Variants in TAFA5 observed in about 807,000 individuals in gnomAD.
The protein encoded by TAFA5 is TAFA chemokine like family member 5.
A neutral mutation model predicts 15.3 loss-of-function variants in TAFA5; 6 were observed. The ratio of observed to expected loss-of-function variants is 0.39; its 90% CI spans 0.21 to 0.77. TAFA5 has a LOEUF of 0.77. Among genes scored for constraint, TAFA5 ranks in the 30% least tolerant of loss-of-function variants. The pLI is 0.41. For synonymous variants in TAFA5, 103 were observed against 80.7 expected, an observed-to-expected ratio of 1.28 and a Z score of -1.48; for missense variants, 161 against 193.1, an observed-to-expected ratio of 0.83 and a Z score of 0.98.
rs540473828 is a variant in TAFA5, at chr22:48,642,805, G to C, written c.113-3792G>C. 3.5e-4 allele frequency among the ~76,000 whole-genome samples: 53 copies of C among 152,194 alleles called. 1 individual carries two copies. In the Middle Eastern group the frequency reaches 0.01, roughly 29 times the overall value. ...CACATGTGGGGGGTGTGTTTGGTCT[G>C]TGTGTGCACGTGTGTGGTGTGTGTG... On this transcript the variant is annotated intron_variant, in intron 1 of 3. Transcript: ENST00000402357.
intron 2 of TAFA5, among the ~76,000 whole-genome samples, chr22:48,690,955 G>C (rs533816616): frequency 5.2e-4 from 79 of 152,180 alleles, no homozygotes; most frequent in Non-Finnish European, 5.0e-4. Context: ...ATGGGGTCCA[G>C]AGAGCGCCCA....
chr22:48,662,344 G>GATGGCCTTCTAC (rs1927469849), intron 2 of TAFA5, among the ~76,000 whole-genome samples: 1 of 152,144 alleles, frequency 6.6e-6, no homozygotes, highest in African/African-American at 2.4e-5. Context: ...CCAGGAAGGT[G>GATGGCCTTCTAC]ACGGATCACT....
chr22:48,662,020 G>T (rs1164587692), intron 2 of TAFA5, among the ~76,000 whole-genome samples: 5 of 151,630 alleles, frequency 3.3e-5, no homozygotes, highest in Non-Finnish European at 7.4e-5. Context: ...ACTTTGGGGA[G>T]ATGGTGACTG....
At chr22:48,591,050 C>T (rs1164913514) in intron 1 of TAFA5, among the ~76,000 whole-genome samples, 1 of 152,180 alleles carries the variant, frequency 6.6e-6, no homozygotes. Flanking sequence ...TGGGGTTTCG[C>T]CATGTTGGCC....
intron 1 of TAFA5, among the ~76,000 whole-genome samples, chr22:48,585,746 CATACGCATACCAA>C (rs970137823): frequency 5.3e-5 from 8 of 151,724 alleles, no homozygotes; most frequent in African/African-American, 1.9e-4. Flanking sequence ...ACATACACCA[CATACGCATACCAA>C]ATACGCATAC....
At chr22:48,567,249 G>A (rs558841190) in intron 1 of TAFA5, among the ~76,000 whole-genome samples, 7 of 152,334 alleles carry the variant, frequency 4.6e-5, no homozygotes, top group African/African-American at 9.6e-5. Context: ...AGAGCATCCC[G>A]CTGTGTGCTG....
intron 1 of TAFA5, among the ~76,000 whole-genome samples, chr22:48,580,052 C>T (rs1226621655): frequency 1.3e-5 from 2 of 152,184 alleles, no homozygotes; most frequent in Non-Finnish European, 2.9e-5. Context: ...AACTTTGCGT[C>T]CAGCGGCCGC....
At chr22:48,600,743 TC>T (rs1279475571) in intron 1 of TAFA5, among the ~76,000 whole-genome samples, 1 of 152,128 alleles carries the variant, frequency 6.6e-6, no homozygotes, top group African/African-American at 2.4e-5. Context: ...GGTGGTGGTG[TC>T]CCCCATGGTC....
intron 3 of TAFA5, among the ~76,000 whole-genome samples, chr22:48,708,629 C>A (rs1302717615): frequency 6.6e-6 from 1 of 152,240 alleles, no homozygotes; most frequent in Admixed American, 6.5e-5. Context: ...GCGAGTGGCA[C>A]CCCCTCATCC....
intron 1 of TAFA5, among the ~76,000 whole-genome samples, chr22:48,646,127 C>CG (rs1449961660): frequency 6.6e-6 from 1 of 152,088 alleles, no homozygotes; most frequent in Non-Finnish European, 1.5e-5. Context: ...CAAGCCTGAG[C>CG]GGGGGTCTGA....
Position 48,490,250 on chromosome 22 carries a change from A to G in TAFA5, c.112+546A>G, listed in dbSNP as rs1360396763. On this transcript the variant is annotated intron_variant, in intron 1 of 3. Coordinates refer to ENST00000402357, the MANE Select transcript of TAFA5 (RefSeq NM_001082967.3). This position sits in a 1 kb window ranked among gnomAD's most constrained non-coding sequence, Gnocchi z 5.8. ...CGGGCTCGTCAGGCGCCTTCTGGAA[A>G]GAGAAGCGAAGTGAGGGATGGGATG... Among the ~76,000 whole-genome samples the G allele has an allele frequency of 1.3e-5, 2 of 152,056 alleles. No individual in the cohort carries two copies. Among genetic ancestry groups the G allele is most frequent in the Non-Finnish European group, 2.9e-5 (2 of 67,984 alleles).
intron 3 of TAFA5, among the ~76,000 whole-genome samples, chr22:48,719,273 G>A (rs1207574029): frequency 9.9e-5 from 15 of 152,138 alleles, no homozygotes; most frequent in Admixed American, 8.5e-4. Flanking sequence ...ACCGCCCCTC[G>A]GGTGAGGTGG....
intron 1 of TAFA5, among the ~76,000 whole-genome samples, chr22:48,574,835 T>C (rs1211866595): frequency 1.3e-5 from 2 of 151,626 alleles, no homozygotes; most frequent in East Asian, 3.9e-4. Flanking sequence ...GGGAGCGGGG[T>C]TGGGGAGCAA....
At chr22:48,711,590 T>G (rs1177557714) in intron 3 of TAFA5, among the ~76,000 whole-genome samples, 2 of 152,204 alleles carry the variant, frequency 1.3e-5, no homozygotes, top group African/African-American at 4.8e-5. Context: ...GTTGTGCGAT[T>G]GCATCTGAGT....
At chr22:48,676,714 G>A (rs1000006625) in intron 2 of TAFA5, among the ~76,000 whole-genome samples, 2 of 152,326 alleles carry the variant, frequency 1.3e-5, no homozygotes. Flanking sequence ...CTCTGCGGCC[G>A]GGGAGCGGGT....
chr22:48,491,260 C>T (rs76348085), intron 1 of TAFA5, among the ~76,000 whole-genome samples: 9,500 of 152,174 alleles, frequency 0.062, 380 homozygotes, highest in Middle Eastern at 0.092. Context: ...GGGGGGATTC[C>T]CTAGAAGATC....
intron 1 of TAFA5, among the ~76,000 whole-genome samples, chr22:48,588,902 C>T (rs1362219845): frequency 6.6e-6 from 1 of 152,174 alleles, no homozygotes; most frequent in East Asian, 1.9e-4. Flanking sequence ...GGAGCCTTTA[C>T]AATACACACT....
At chr22:48,584,277 A>AT in intron 1 of TAFA5, among the ~76,000 whole-genome samples, 1 of 83,640 alleles carries the variant, frequency 1.2e-5, no homozygotes, top group Middle Eastern at 5.2e-3. Flanking sequence ...CACCACACAC[A>AT]CACACACCAC....
intron 1 of TAFA5, among the ~76,000 whole-genome samples, chr22:48,615,636 C>T (rs28458278): frequency 0.62 from 93,524 of 152,058 alleles, 29,360 homozygotes; most frequent in East Asian, 0.83. Flanking sequence ...CCTTCTGGCC[C>T]CTGTTCCACA....
Sources: gnomAD v4.1 joint callset for allele counts (sites outside exome capture counted in the v4.1 genomes callset) on GRCh38, gnomAD v4.1.1 for gene constraint, Gnocchi (gnomAD v3.1) non-coding constraint, MANE v1.5 for transcripts, NCBI Gene and HGNC (gene_info 2026-07-23, HGNC 2026-07-21) for gene names.